PRAG1: variants seen among roughly 807,000 people sequenced by gnomAD.
PRAG1 encodes the protein inactive tyrosine-protein kinase PRAG1.
Under a neutral mutation model 95.6 loss-of-function variants are expected in PRAG1, and 110 were observed. The ratio of observed to expected loss-of-function variants is 1.15; its 90% CI spans 0.99 to 1.35. The LOEUF (loss-of-function observed/expected upper bound fraction) is 1.35, where lower values mean the gene tolerates loss of function less well. PRAG1 is among the 40% of genes most tolerant of loss of function. PRAG1 has a pLI of 0.00. For missense variants in PRAG1, 2,554 were observed against 1,864.7 expected (o/e 1.37, Z -6.81); for synonymous variants, 1,052 against 819.4 (o/e 1.28, Z -4.85).
Position 8,321,227 on chromosome 8 carries a change from G to C in PRAG1, c.3073-1925C>G, listed in dbSNP as rs147062346. ...AGCCTCCCGAGTAGCTGGGACTAGA[G>C]GTGTGCACCACCATGTCCAACTAAT... On this transcript the variant is annotated intron_variant, in intron 5 of 5. Coordinates refer to ENST00000615670, the MANE Select transcript of PRAG1 (RefSeq NM_001080826.3). 8.3e-3 allele frequency among the ~76,000 whole-genome samples: 1,269 copies of C among 152,202 alleles called. 13 individuals carry two copies. Among genetic ancestry groups the C allele is most frequent in the African/African-American group, 0.029 (1,221 of 41,508 alleles).
chr8:8,363,052 TATATAG>T (rs977874531), intron 3 of PRAG1, among the ~76,000 whole-genome samples: 28 of 148,970 alleles, frequency 1.9e-4, no homozygotes, highest in Non-Finnish European at 2.8e-4. Context: ...AAGATATATA[TATATAG>T]ATATAGATAT....
chr8:8,375,082 A>C (rs1403783715), intron 3 of PRAG1, among the ~76,000 whole-genome samples: 1 of 152,118 alleles, frequency 6.6e-6, no homozygotes, highest in Non-Finnish European at 1.5e-5. Flanking sequence ...AATAACTAAA[A>C]AAAAAAAAAA....
chr8:8,371,386 G>A (rs2921011), intron 3 of PRAG1, among the ~76,000 whole-genome samples: 29,485 of 151,290 alleles, frequency 0.19, 3,403 homozygotes, highest in Middle Eastern at 0.33. Flanking sequence ...TCAGCCTCCC[G>A]AGTAGCTGGG....
chr8:8,385,528 T>C (rs1327558773), intron 1 of PRAG1, among the ~76,000 whole-genome samples: 1 of 152,216 alleles, frequency 6.6e-6, no homozygotes, highest in Non-Finnish European at 1.5e-5. Flanking sequence ...TTAAGAATAG[T>C]TCAGGCCAGT....
At chr8:8,386,186 C>G (rs964747523) in intron 1 of PRAG1, 135 bp downstream of exon 1, 3 of 152,184 alleles carry the variant, frequency 2.0e-5, no homozygotes, top group African/African-American at 7.2e-5. Flanking sequence ...CCGGCACTGC[C>G]CACTTCCCGA....
chr8:8,340,975 T>G (rs988658488), intron 3 of PRAG1, among the ~76,000 whole-genome samples: 3 of 152,242 alleles, frequency 2.0e-5, no homozygotes, highest in Admixed American at 6.5e-5. Flanking sequence ...CCTAATCTCC[T>G]GGCAAAATAA....
chr8:8,371,848 G>C (rs1431914917), intron 3 of PRAG1, among the ~76,000 whole-genome samples: 1 of 152,172 alleles, frequency 6.6e-6, no homozygotes, highest in Non-Finnish European at 1.5e-5. Context: ...CTGGGCGGCA[G>C]AGTGAGATTC....
chr8:8,377,239 G>C lies in PRAG1; in HGVS notation c.1170C>G (p.Cys390Trp). 6.2e-7 allele frequency: 1 copy of C among 1,612,802 alleles called. No individual in the cohort carries two copies. The highest frequency in any genetic ancestry group is 8.5e-7 in the Non-Finnish European group (1 of 1,179,966). Reference protein sequence around the residue: ...PGCPGVTPSRCLGLTGEPQPP... With the variant: ...PGCPGVTPSRWLGLTGEPQPP... ...GCTGGGGCTCCCCCGTCAGCCCAAG[G>C]CATCTGCTAGGGGTCACCCCTGGGC... is the stretch of plus-strand genomic sequence containing the variant. The change falls in exon 3 of 6, where the codon TGC becomes TGG. Residue 390 changes from cysteine to tryptophan, a missense_variant. Coordinates refer to ENST00000615670, the MANE Select transcript of PRAG1 (RefSeq NM_001080826.3).
chr8:8,318,177 G>A lies in PRAG1; in HGVS notation c.4198C>T (p.Leu1400=), dbSNP rs757038078. The change falls in exon 6 of 6, where the codon CTG becomes TTG. Residue 1400 remains leucine, a synonymous_variant. Transcript: ENST00000615670. This position sits in a 1 kb window ranked among gnomAD's most constrained non-coding sequence, Gnocchi z 4.2. The part of the protein sequence containing the change: ...SAEPGALLQS[L]KLLQLL ...GCTCACAGAAGCTGCAGGAGCTTCA[G>A]CGACTGTAAGAGGGCCCCGGGCTCC... The A allele has an allele frequency of 1.2e-6, 2 of 1,613,612 alleles. No homozygotes were observed. The highest frequency in any genetic ancestry group is 1.7e-6 in the Non-Finnish European group (2 of 1,179,822).
intron 5 of PRAG1, 146 bp downstream of exon 5, chr8:8,327,564 T>C: frequency 1.0e-6 from 1 of 982,010 alleles, no homozygotes; most frequent in African/African-American, 1.6e-5. Flanking sequence ...AGTGAGACTC[T>C]TATCTTACAA....
At chr8:8,369,700 T>A (rs1800128749) in intron 3 of PRAG1, among the ~76,000 whole-genome samples, 1 of 31,730 alleles carries the variant, frequency 3.2e-5, no homozygotes, top group African/African-American at 2.5e-4. Context: ...AAAATAAACT[T>A]TTTTTTTTTT....
At chr8:8,359,351 G>C (rs140515900) in intron 3 of PRAG1, among the ~76,000 whole-genome samples, 1 of 152,172 alleles carries the variant, frequency 6.6e-6, no homozygotes, top group Admixed American at 6.5e-5. Flanking sequence ...CCAGATGCAT[G>C]GTATAATACA....
At chr8:8,346,871 CT>C in intron 3 of PRAG1, among the ~76,000 whole-genome samples, 1 of 152,280 alleles carries the variant, frequency 6.6e-6, no homozygotes, top group African/African-American at 2.4e-5. Context: ...GGAGCGGAAT[CT>C]TTGAAAACCC....
chr8:8,339,507 G>T lies in PRAG1; in HGVS notation c.2291C>A (p.Ala764Asp). ...SFTTGSTDSL[A>D]SDSRTCSDGG... is the part of the protein sequence containing the mutation. ...ATCGCTGCAGGTCCTAGAGTCTGAG[G>T]CCAGGCTGTCCGTGGAGCCGGTGGT... The change falls in exon 4 of 6, where the codon GCC becomes GAC. Residue 764 changes from alanine (A) to aspartate (D), a missense_variant. Physicochemically the swap from Ala to Asp is moderately radical, Grantham distance 126. Transcript: ENST00000615670. 6.2e-7 allele frequency: 1 copy of T among 1,614,180 alleles called. No homozygotes were observed. The highest frequency in any genetic ancestry group is 8.5e-7 in the Non-Finnish European group (1 of 1,180,022).
chr8:8,353,674 G>A (rs1049836667), intron 3 of PRAG1, among the ~76,000 whole-genome samples: 33 of 152,078 alleles, frequency 2.2e-4, no homozygotes, highest in African/African-American at 6.8e-4. Flanking sequence ...CACGTGTGGC[G>A]CTTATGCCCA....
At chr8:8,369,554 G>A (rs1000989260) in intron 3 of PRAG1, among the ~76,000 whole-genome samples, 1 of 152,158 alleles carries the variant, frequency 6.6e-6, no homozygotes, top group Non-Finnish European at 1.5e-5. Flanking sequence ...ACACGGCACT[G>A]TCTCTGTTTA....
chr8:8,378,178 G>A, intron 2 of PRAG1, 100 bp from the exon 3 acceptor site: 1 of 1,365,332 alleles, frequency 7.3e-7, no homozygotes, highest in Non-Finnish European at 9.8e-7. Flanking sequence ...ACTGTAGAAT[G>A]TCTTCTGTAG....
At chr8:8,347,924 C>T (rs28730964) in intron 3 of PRAG1, among the ~76,000 whole-genome samples, 9 of 134,846 alleles carry the variant, frequency 6.7e-5, no homozygotes, top group African/African-American at 1.9e-4. Flanking sequence ...TGGAGTGCAG[C>T]GGCATGATCT....
chr8:8,374,139 T>C (rs556937596), intron 3 of PRAG1, among the ~76,000 whole-genome samples: 4 of 152,176 alleles, frequency 2.6e-5, no homozygotes, highest in Non-Finnish European at 5.9e-5. Flanking sequence ...TTTGTCTCAT[T>C]AGAGGTTTAC....
Sources: gnomAD v4.1 joint callset for allele counts (sites outside exome capture counted in the v4.1 genomes callset) on GRCh38, gnomAD v4.1.1 for gene constraint, Gnocchi (gnomAD v3.1) non-coding constraint, MANE v1.5 for transcripts, NCBI Gene and HGNC (gene_info 2026-07-23, HGNC 2026-07-21) for gene names.